The following PDE11A variants were observed in gnomAD, a reference collection of about 807,000 sequenced individuals.
PDE11A encodes the protein dual 3',5'-cyclic-AMP and -GMP phosphodiesterase 11A.
PDE11A carries 100 observed loss-of-function variants against 100.5 expected under a neutral mutation model. The observed-to-expected ratio is 1.00, with a 90% confidence interval of 0.85 to 1.18. The LOEUF is 1.18. Ranked by LOEUF, PDE11A falls within the 50% of genes most tolerant of loss-of-function variation. The pLI is 0.00. For missense variants in PDE11A, 1,141 were observed against 1,152.6 expected, an observed-to-expected ratio of 0.99 and a Z score of 0.15; for synonymous variants, 381 against 420.8, an observed-to-expected ratio of 0.91 and a Z score of 1.16.
At chr2:178,104,159 T>C (rs1470037550) in intron 2 of PDE11A, 8 of 766,632 alleles carry the variant, frequency 1.0e-5, no homozygotes, top group Non-Finnish European at 1.8e-5. Flanking sequence ...GCAGGTCTTA[T>C]GATATAAATC....
chr2:177,998,300 T>C (rs2086102096), intron 2 of PDE11A: 4 of 823,898 alleles, frequency 4.9e-6, no homozygotes, highest in Admixed American at 3.4e-5. Context: ...TCTTAAGTTT[T>C]GTAGAAAGGA....
In PDE11A at chr2:177,742,737, G is replaced by A. The variant is rs887419575; in HGVS notation, c.1789-14565C>T. Among the ~76,000 whole-genome samples the A allele has an allele frequency of 1.6e-4, 24 of 152,332 alleles. 1 individual carries two copies. Among genetic ancestry groups the A allele is most frequent in the Admixed American group, 1.0e-3 (16 of 15,290 alleles). On this transcript the variant is annotated intron_variant, in intron 10 of 19. Coordinates refer to ENST00000286063, the MANE Select transcript of PDE11A (RefSeq NM_016953.4). ...CTAAATTCAATGGACAGATGTGAAA[G>A]GGGACTTTCTCTGAGAACACTTTCC... is the stretch of plus-strand genomic sequence containing the variant.
At chr2:177,804,312 C>G (rs117486192) in intron 9 of PDE11A, among the ~76,000 whole-genome samples, 4 of 144,304 alleles carry the variant, frequency 2.8e-5, no homozygotes, top group Admixed American at 6.9e-5. Flanking sequence ...AAGCCGGCAA[C>G]AAATACATGA....
At chr2:177,934,476 CA>C (rs1340171984) in intron 2 of PDE11A, among the ~76,000 whole-genome samples, 1 of 152,026 alleles carries the variant, frequency 6.6e-6, no homozygotes, top group Non-Finnish European at 1.5e-5. Flanking sequence ...ACTAAAAAGT[CA>C]AAAAACAACA....
intron 9 of PDE11A, among the ~76,000 whole-genome samples, chr2:177,796,323 C>CAGTT (rs2082708077): frequency 6.6e-6 from 1 of 152,076 alleles, no homozygotes; most frequent in Non-Finnish European, 1.5e-5. Flanking sequence ...TTCCAGGTAC[C>CAGTT]TGGGATCAGC....
chr2:177,845,661 T>C lies in PDE11A; in HGVS notation c.1368-5278A>G, dbSNP rs568468166. ...GGGCAGAGGCTGCAATCTCGGCACT[T>C]TGGGAGGCCAAGGCAGGCAGCTGGG... On this transcript the variant is annotated intron_variant, in intron 5 of 19. Transcript: ENST00000286063. 2.1e-3 allele frequency among the ~76,000 whole-genome samples: 326 copies of C among 152,036 alleles called. 4 individuals are homozygous for C. The highest frequency in any genetic ancestry group is 3.9e-3 in the Non-Finnish European group (262 of 67,948).
At chr2:177,868,829 T>G (rs551605869) in intron 5 of PDE11A, among the ~76,000 whole-genome samples, 1 of 152,264 alleles carries the variant, frequency 6.6e-6, no homozygotes, top group East Asian at 1.9e-4. Flanking sequence ...CTCATATTCC[T>G]TCCTAAAGTG....
chr2:177,796,158 C>T (rs753644217), intron 9 of PDE11A, among the ~76,000 whole-genome samples: 1 of 151,758 alleles, frequency 6.6e-6, no homozygotes, highest in African/African-American at 2.4e-5. Flanking sequence ...TGGAGACACT[C>T]AGAACAGGAG....
intron 9 of PDE11A, among the ~76,000 whole-genome samples, chr2:177,770,672 G>A (rs1304647551): frequency 1.3e-5 from 2 of 152,226 alleles, no homozygotes; most frequent in Non-Finnish European, 2.9e-5. Context: ...AAGGGAAAGA[G>A]AAAGGACCCT....
chr2:178,031,890 AG>A (rs2086552578), intron 1 of PDE11A, among the ~76,000 whole-genome samples: 2 of 152,150 alleles, frequency 1.3e-5, no homozygotes, highest in South Asian at 4.1e-4. Context: ...AACAAGTCAT[AG>A]GGGTTGGGGA....
chr2:177,936,043 A>C (rs1433476083), intron 2 of PDE11A, among the ~76,000 whole-genome samples: 3 of 152,310 alleles, frequency 2.0e-5, no homozygotes, highest in Non-Finnish European at 4.4e-5. Flanking sequence ...AATGTCTTCT[A>C]AGACATCTAT....
intron 5 of PDE11A, among the ~76,000 whole-genome samples, chr2:177,843,036 T>C (rs183156209): frequency 2.6e-5 from 4 of 151,870 alleles, no homozygotes; most frequent in Admixed American, 2.6e-4. Context: ...AAAGTGGTAA[T>C]AAAGGGGGAA....
intron 2 of PDE11A, among the ~76,000 whole-genome samples, chr2:177,956,869 A>G (rs554056849): frequency 6.6e-6 from 1 of 152,120 alleles, no homozygotes; most frequent in Non-Finnish European, 1.5e-5. Context: ...ATGAGAACAC[A>G]TGGACACAGG....
At chr2:178,025,400 T>G (rs1260434522) in intron 1 of PDE11A, among the ~76,000 whole-genome samples, 1 of 152,222 alleles carries the variant, frequency 6.6e-6, no homozygotes, top group Non-Finnish European at 1.5e-5. Context: ...TACCATGTTG[T>G]TTGGGGCATT....
At chr2:177,759,153 C>T (rs1043707989) in intron 10 of PDE11A, among the ~76,000 whole-genome samples, 1 of 149,892 alleles carries the variant, frequency 6.7e-6, no homozygotes, top group African/African-American at 2.5e-5. Flanking sequence ...ATATGACTAT[C>T]CCGTTAAGTT....
chr2:178,081,153 C>T (rs1167875113), intron 2 of PDE11A, among the ~76,000 whole-genome samples: 3 of 152,074 alleles, frequency 2.0e-5, no homozygotes, highest in Non-Finnish European at 4.4e-5. Context: ...GTTATAAAAA[C>T]AGCTAATGAA....
intron 2 of PDE11A, among the ~76,000 whole-genome samples, chr2:177,924,373 G>A (rs2085096730): frequency 6.6e-6 from 1 of 152,188 alleles, no homozygotes. Context: ...AATGATGCCT[G>A]TTTGTATTGG....
At position 178,072,465 on chromosome 2, in the gene PDE11A, T is replaced by C. The variant is rs1559062956; in HGVS notation, c.-28A>G. The C allele has an allele frequency of 1.2e-6, 2 of 1,612,500 alleles. No homozygotes were observed. The highest frequency in any genetic ancestry group is 1.3e-5 in the African/African-American group (1 of 75,052). On this transcript the variant is annotated 5_prime_UTR_variant, in exon 1 of 20. Coordinates refer to ENST00000286063, the MANE Select transcript of PDE11A (RefSeq NM_016953.4). ...TCCCAGACAGCTTTCCTTGCCTGTTTACACGTGAACCAAATGTTTTCCTGC... is the reference window on the plus strand; with the variant it reads ...TCCCAGACAGCTTTCCTTGCCTGTTCACACGTGAACCAAATGTTTTCCTGC...
At chr2:177,926,605 A>G (rs1283938739) in intron 2 of PDE11A, among the ~76,000 whole-genome samples, 1 of 150,848 alleles carries the variant, frequency 6.6e-6, no homozygotes, top group East Asian at 1.9e-4. Context: ...TTAAGGTTTG[A>G]AAGGTTTGAA....
Sources: allele counts gnomAD v4.1 joint callset (sites outside exome capture counted in the v4.1 genomes callset), GRCh38; gene constraint gnomAD v4.1.1; transcripts MANE v1.5; gene names NCBI Gene and HGNC (gene_info 2026-07-23, HGNC 2026-07-21).